KDM4C: variants seen among roughly 807,000 people sequenced by gnomAD.
The protein encoded by KDM4C is lysine demethylase 4C, also known as lysine-specific demethylase 4C.
In KDM4C, 81 loss-of-function variants were observed where a neutral mutation model predicts 129.3. That is an observed-to-expected ratio of 0.63 (90% CI 0.52 to 0.75). KDM4C has a LOEUF of 0.75. Among genes scored for constraint, KDM4C ranks in the 30% least tolerant of loss-of-function variants. The pLI, the probability that KDM4C is intolerant of heterozygous loss-of-function variation, is 0.00. For missense variants in KDM4C, 1,457 were observed against 1,304.0 expected (o/e 1.12, Z -1.81); for synonymous variants, 573 against 456.1 (o/e 1.26, Z -3.26).
At chr9:6,786,407 T>C (rs915592972) in intron 1 of KDM4C, among the ~76,000 whole-genome samples, 2 of 152,196 alleles carry the variant, frequency 1.3e-5, no homozygotes, top group East Asian at 1.9e-4. Context: ...GCTATAAATA[T>C]CGTTTTTGCT....
intron 15 of KDM4C, among the ~76,000 whole-genome samples, chr9:7,037,613 G>A (rs552398578): frequency 6.6e-6 from 1 of 152,268 alleles, no homozygotes; most frequent in African/African-American, 2.4e-5. Flanking sequence ...AGCTGGCATT[G>A]TTAAAAGGGG....
intron 15 of KDM4C, among the ~76,000 whole-genome samples, chr9:7,024,880 G>C (rs10758820): frequency 0.52 from 78,908 of 151,864 alleles, 20,707 homozygotes; most frequent in South Asian, 0.7. Context: ...AATGGTATTT[G>C]TAGTTCTAGA....
At chr9:6,725,024 C>A (rs1386639498) in intron 1 of KDM4C, among the ~76,000 whole-genome samples, 1 of 152,106 alleles carries the variant, frequency 6.6e-6, no homozygotes, top group African/African-American at 2.4e-5. Context: ...TTTCTAGAGG[C>A]TCTCCTCATT....
intron 15 of KDM4C, among the ~76,000 whole-genome samples, chr9:7,042,405 A>G (rs193197135): frequency 7.4e-4 from 113 of 152,210 alleles, no homozygotes; most frequent in Non-Finnish European, 7.8e-4. Context: ...TGGTATCATT[A>G]CTTCGAAGGA....
At chr9:6,936,181 AAG>A (rs566431528) in intron 8 of KDM4C, among the ~76,000 whole-genome samples, 28 of 152,210 alleles carry the variant, frequency 1.8e-4, no homozygotes, top group Non-Finnish European at 3.2e-4. Context: ...AATATAAAAA[AAG>A]ATATCTTGTG....
chr9:6,810,750 A>T (rs1232051503), intron 3 of KDM4C, among the ~76,000 whole-genome samples: 1 of 152,066 alleles, frequency 6.6e-6, no homozygotes, highest in Non-Finnish European at 1.5e-5. Flanking sequence ...ATGTGTCTGT[A>T]GTCCCAGCTA....
rs544280570 is a variant in KDM4C at position 6,843,952 on chromosome 9, G to A, written c.436-5555G>A. Among the ~76,000 whole-genome samples the A allele has an allele frequency of 3.5e-4, 53 of 152,142 alleles. No individual in the cohort carries two copies. In the South Asian group the frequency reaches 9.8e-3, roughly 28 times the overall value. ...TGCAACCTCAACTCCCTCCTCAGCC[G>A]CCTCCTGAGTAGCTGGGACCTGTGG... is the stretch of plus-strand genomic sequence containing the variant. On this transcript the variant is annotated intron_variant, in intron 4 of 21. Transcript: ENST00000381309.
chr9:7,004,512 T>C (rs1421091408), intron 12 of KDM4C, among the ~76,000 whole-genome samples: 2 of 152,236 alleles, frequency 1.3e-5, no homozygotes, highest in Non-Finnish European at 2.9e-5. Context: ...TTGTGTAATA[T>C]ATATAGTCAT....
At chr9:7,060,619 C>T (rs576342994) in intron 17 of KDM4C, among the ~76,000 whole-genome samples, 99 of 151,914 alleles carry the variant, frequency 6.5e-4, no homozygotes, top group African/African-American at 2.3e-3. Flanking sequence ...GTAGCTGGGA[C>T]TACAGGTGCA....
intron 17 of KDM4C, among the ~76,000 whole-genome samples, chr9:7,092,396 C>T (rs1432929526): frequency 1.3e-5 from 2 of 152,112 alleles, no homozygotes. Flanking sequence ...TCATGAACCG[C>T]AAGTGTTACC....
At chr9:6,828,553 A>G (rs1460674258) in intron 4 of KDM4C, among the ~76,000 whole-genome samples, 1 of 147,478 alleles carries the variant, frequency 6.8e-6, no homozygotes, top group Non-Finnish European at 1.5e-5. Context: ...AGACCGTCTG[A>G]TCTTCTGTCA....
At chr9:6,820,437 C>G (rs1832823349) in intron 4 of KDM4C, among the ~76,000 whole-genome samples, 1 of 152,136 alleles carries the variant, frequency 6.6e-6, no homozygotes, top group African/African-American at 2.4e-5. Context: ...GGAGAGGGGC[C>G]TGAGACAGGG....
At chr9:6,869,034 C>T (rs896048736) in intron 5 of KDM4C, among the ~76,000 whole-genome samples, 3 of 152,160 alleles carry the variant, frequency 2.0e-5, no homozygotes, top group Admixed American at 1.3e-4. Flanking sequence ...GTAATGGTAA[C>T]TTACTAATTT....
chr9:7,052,040 A>C (rs1587274282), intron 17 of KDM4C, among the ~76,000 whole-genome samples: 1 of 152,222 alleles, frequency 6.6e-6, no homozygotes, highest in East Asian at 1.9e-4. Flanking sequence ...ATAGACAGAA[A>C]GAGAACATTT....
At chr9:7,030,350 C>A (rs954974236) in intron 15 of KDM4C, among the ~76,000 whole-genome samples, 1 of 152,134 alleles carries the variant, frequency 6.6e-6, no homozygotes, top group Non-Finnish European at 1.5e-5. Context: ...ATACATCATT[C>A]ATCTATGAAA....
intron 20 of KDM4C, among the ~76,000 whole-genome samples, chr9:7,167,174 T>A (rs556404666): frequency 6.6e-5 from 10 of 152,302 alleles, no homozygotes; most frequent in African/African-American, 2.4e-4. Flanking sequence ...AATAATTTTT[T>A]AATAATTTGT....
chr9:7,083,727 G>GTGTGTGTC (rs1834808523), intron 17 of KDM4C, among the ~76,000 whole-genome samples: 1 of 151,662 alleles, frequency 6.6e-6, no homozygotes, highest in Admixed American at 6.6e-5. Context: ...GTGTGTGTGT[G>GTGTGTGTC]TGTGTGTGTG....
intron 8 of KDM4C, among the ~76,000 whole-genome samples, chr9:6,937,200 G>A (rs10975916): frequency 0.65 from 98,798 of 151,986 alleles, 32,535 homozygotes; most frequent in African/African-American, 0.69. Flanking sequence ...GGTGTGAGCC[G>A]CCTCACCCAG....
intron 16 of KDM4C, among the ~76,000 whole-genome samples, chr9:7,048,008 A>G (rs971868486): frequency 6.6e-6 from 1 of 152,054 alleles, no homozygotes; most frequent in African/African-American, 2.4e-5. Flanking sequence ...TATTACATTA[A>G]TAAAATTTGT....
Sources: gnomAD v4.1 joint callset for allele counts (sites outside exome capture counted in the v4.1 genomes callset) on GRCh38, gnomAD v4.1.1 for gene constraint, MANE v1.5 for transcripts, NCBI Gene and HGNC (gene_info 2026-07-23, HGNC 2026-07-21) for gene names.